The following REL variants were observed in gnomAD, a reference collection of about 807,000 sequenced individuals.
The protein encoded by REL is proto-oncogene c-Rel.
A neutral mutation model predicts 45.9 loss-of-function variants in REL; 15 were observed. The ratio of observed to expected loss-of-function variants is 0.33; its 90% confidence interval spans 0.22 to 0.50. The LOEUF (loss-of-function observed/expected upper bound fraction) is 0.50, where lower values mean the gene tolerates loss of function less well. Ranked by LOEUF, REL falls within the 20% of genes least tolerant of loss-of-function variation. REL has a pLI of 0.98. For synonymous variants in REL, 239 were observed against 242.1 expected (o/e 0.99, Z 0.12); for missense variants, 601 against 715.2 (o/e 0.84, Z 1.82).
At chr2:60,911,519 C>G (rs1673813263) in intron 4 of REL, 1 of 152,106 alleles carries the variant, frequency 6.6e-6, no homozygotes, top group Non-Finnish European at 1.5e-5. Context: ...TTCCATATCT[C>G]AGCAGCAAAT....
rs769208969 is a variant in REL at position 60,918,172 on chromosome 2, G to A, written c.536-19G>A. The A allele has an allele frequency of 1.4e-6, 2 of 1,472,692 alleles. No individual in the cohort carries two copies. The highest frequency in any genetic ancestry group is 1.2e-5 in the South Asian group (1 of 81,044). 91.2% of individuals were successfully genotyped at this position (1,472,692 alleles called of 1,614,324 possible). On this transcript the variant is annotated intron_variant, in intron 5 of 9. Transcript: ENST00000394479. Reference sequence around the variant, plus strand: ...TACTAAGGTAGCAACTCATTTTTTTGAAAATCCTTTATATTTAGGTGCTCC... The same window carrying A: ...TACTAAGGTAGCAACTCATTTTTTTAAAAATCCTTTATATTTAGGTGCTCC...
Position 60,918,274 on chromosome 2 carries a change from C to T in REL, c.619C>T (p.Leu207Phe), listed in dbSNP as rs767390702. 6.2e-7 allele frequency: 1 copy of T among 1,602,154 alleles called. No homozygotes were observed. Among genetic ancestry groups the T allele is most frequent in the Admixed American group, 1.7e-5 (1 of 59,210 alleles). ...SVRGGDEIFL[L>F]CDKVQKDDIE... is the part of the protein sequence containing the mutation. ...CAGAGGAGGAGATGAAATATTTCTA[C>T]TTTGTGACAAAGTTCAGAAAGGTAT... The change falls in exon 6 of 10, where the codon CTT (leucine) becomes TTT (phenylalanine). Residue 207 changes from leucine to phenylalanine, a missense_variant. Around this residue, in one of 4 missense-constraint regions of REL, gnomAD observed 241 missense variants for 347.0 expected, o/e 0.69. Coordinates refer to ENST00000394479, the MANE Select transcript of REL (RefSeq NM_001291746.2).
At position 60,912,355 on chromosome 2, in the gene REL, T is replaced by TCTTTA. The variant is rs146368138; in HGVS notation, c.395-4519_395-4518insTACTT. On this transcript the variant is annotated intron_variant, in intron 4 of 9. Transcript: ENST00000394479. ...ATATTTAATATTGCAAGCGTTTTGG[T>TCTTTA]CTTATAAATTTAGTGATGTTTTTGT... Among the ~76,000 whole-genome samples, 500 of 152,294 alleles carry TCTTTA rather than the reference T, an allele frequency of 3.3e-3. 6 individuals are homozygous for TCTTTA. The highest frequency in any genetic ancestry group is 0.012 in the African/African-American group (479 of 41,566).
In REL at chr2:60,925,964, G is replaced by C. The variant is rs1674258552; in HGVS notation, c.*3429G>C. 1 of 226,002 alleles carries C rather than the reference G, an allele frequency of 4.4e-6. No individual in the cohort carries two copies. The highest frequency in any genetic ancestry group is 5.7e-5 in the Admixed American group (1 of 17,548). The allele number at this position is 226,002 out of a possible 1,614,324, so 14.0% of individuals were successfully genotyped here. ...CTCTGTGTGTAGAATATTCCCAATG[G>C]ATTTTTCATTTTTCAGGTGCTATTT... On this transcript the variant is annotated 3_prime_UTR_variant, in exon 10 of 10. Transcript: ENST00000394479.
In REL at chr2:60,916,849, A is replaced by C. The variant is rs181727249; in HGVS notation, c.395-28A>C. The C allele has an allele frequency of 1.0e-3, 1,613 of 1,580,086 alleles. 25 individuals are homozygous for C. The highest frequency in any genetic ancestry group is 6.8e-5 in the Non-Finnish European group (78 of 1,155,200). ...GTCTTTAGGTCTATGTGACTATTAC[A>C]TTTAAAAAATTTTTTTTTTCTATTC... On this transcript the variant is annotated intron_variant, in intron 4 of 9. Coordinates refer to ENST00000394479, the MANE Select transcript of REL (RefSeq NM_001291746.2).
chr2:60,881,989 C>G (rs1442215851), intron 1 of REL, 139 bp downstream of exon 1: 1 of 580,022 alleles, frequency 1.7e-6, no homozygotes, highest in African/African-American at 2.0e-5. Flanking sequence ...AAATTGTCAG[C>G]TTTTAAAAAA....
In REL at chr2:60,926,074, C is replaced by CT. The variant is rs1012836396; in HGVS notation, c.*3543dup. On this transcript the variant is annotated 3_prime_UTR_variant, in exon 10 of 10. Coordinates refer to ENST00000394479, the MANE Select transcript of REL (RefSeq NM_001291746.2). Reference sequence around the variant, plus strand: ...ACATATATTCATGCTTTCACCTGCTCTTTTAACACCTGCTTTTAGTATCTG... The same window carrying CT: ...ACATATATTCATGCTTTCACCTGCTCTTTTTAACACCTGCTTTTAGTATCTG... The CT allele has an allele frequency of 4.3e-5, 10 of 230,750 alleles. No homozygotes were observed. Among genetic ancestry groups the CT allele is most frequent in the Non-Finnish European group, 7.7e-5 (9 of 116,226 alleles). The allele number at this position is 230,750 out of a possible 1,614,324, so 14.3% of individuals were successfully genotyped here.
chr2:60,913,272 T>TA (rs992777891), intron 4 of REL, among the ~76,000 whole-genome samples: 5 of 151,868 alleles, frequency 3.3e-5, no homozygotes, highest in South Asian at 2.1e-4. Context: ...TGCTTTCTTT[T>TA]AAAAAAAAAT....
chr2:60,906,753 C>T (rs564125212), intron 4 of REL, among the ~76,000 whole-genome samples: 45 of 151,820 alleles, frequency 3.0e-4, no homozygotes, highest in African/African-American at 1.0e-3. Context: ...TCTTACTCAC[C>T]CTCCAAGTTT....
chr2:60,892,229 C>G (rs1478326638), intron 2 of REL, among the ~76,000 whole-genome samples: 2 of 152,150 alleles, frequency 1.3e-5, no homozygotes, highest in Non-Finnish European at 2.9e-5. Flanking sequence ...CATAATTCTT[C>G]TTGGCTAGTC....
intron 1 of REL, among the ~76,000 whole-genome samples, chr2:60,890,866 C>A (rs1017795616): frequency 1.3e-5 from 2 of 152,100 alleles, no homozygotes; most frequent in African/African-American, 4.8e-5. Flanking sequence ...TTTACATATC[C>A]TAGGGTTTCA....
rs34652086 is a variant in REL, at chr2:60,924,393, A to G, written c.*1858A>G. 8.8e-3 allele frequency: 1,897 copies of G among 215,520 alleles called. 31 individuals are homozygous for G. The highest frequency in any genetic ancestry group is 0.04 in the African/African-American group (1,788 of 44,534). 13.4% of individuals were successfully genotyped at this position (215,520 alleles called of 1,614,324 possible). A position where few individuals can be genotyped will look rare whatever the true frequency, so the allele number is the denominator to read the frequency against. ...ACTCAGTAAATGTTTATTGAACATT[A>G]AAAGTATTACTAATAGAACTTTGGT... On this transcript the variant is annotated 3_prime_UTR_variant, in exon 10 of 10. Coordinates refer to ENST00000394479, the MANE Select transcript of REL (RefSeq NM_001291746.2).
At chr2:60,893,070 A>C (rs1381094513) in intron 2 of REL, among the ~76,000 whole-genome samples, 1 of 152,028 alleles carries the variant, frequency 6.6e-6, no homozygotes, top group African/African-American at 2.4e-5. Context: ...CTAAATTTCT[A>C]TTTTCTATTT....
At chr2:60,883,993 C>G (rs1161465260) in intron 1 of REL, among the ~76,000 whole-genome samples, 1 of 147,578 alleles carries the variant, frequency 6.8e-6, no homozygotes, top group Non-Finnish European at 1.5e-5. Flanking sequence ...AATCTGTGTA[C>G]TTTTCCTTAA....
chr2:60,893,733 T>C (rs1354019176), intron 2 of REL, among the ~76,000 whole-genome samples: 3 of 152,220 alleles, frequency 2.0e-5, no homozygotes, highest in African/African-American at 7.2e-5. Context: ...TCCTTTGTGG[T>C]ATGCTGGTTT....
intron 1 of REL, among the ~76,000 whole-genome samples, chr2:60,889,783 C>A (rs962990016): frequency 3.3e-5 from 5 of 152,196 alleles, no homozygotes; most frequent in Admixed American, 2.0e-4. Context: ...TGAGCTTATC[C>A]TTTTTTATGG....
chr2:60,922,253 A>G lies in REL; in HGVS notation c.1482A>G (p.Ser494=), dbSNP rs1193582576. ...ATCTTGAAAACCCCTCATGTAATTC[A>G]GTGTTAGACCCAAGAGACTTGAGAC... ...SMNLENPSCN[S]VLDPRDLRQL... Residue 494 remains serine (S), a synonymous_variant, in exon 10 of 10, where the codon TCA becomes TCG. Coordinates refer to ENST00000394479, the MANE Select transcript of REL (RefSeq NM_001291746.2). The G allele has an allele frequency of 1.9e-6, 3 of 1,614,210 alleles. No individual in the cohort carries two copies. The highest frequency in any genetic ancestry group is 2.2e-5 in the East Asian group (1 of 44,880).
intron 1 of REL, 42 bp downstream of exon 1, chr2:60,881,892 G>A (rs1443309591): frequency 7.1e-7 from 1 of 1,405,490 alleles, no homozygotes; most frequent in Non-Finnish European, 9.4e-7. Context: ...GGGGAAAGGA[G>A]CTCTTCTGAA....
intron 4 of REL, among the ~76,000 whole-genome samples, chr2:60,908,891 A>G (rs1192652816): frequency 6.6e-6 from 1 of 152,222 alleles, no homozygotes; most frequent in African/African-American, 2.4e-5. Flanking sequence ...ATACAGTTTA[A>G]TAAGTAGTCT....
Sources: allele counts gnomAD v4.1 joint callset (sites outside exome capture counted in the v4.1 genomes callset), GRCh38; gene constraint gnomAD v4.1.1; regional missense constraint gnomAD v4.1.1; transcripts MANE v1.5; gene names NCBI Gene and HGNC (gene_info 2026-07-23, HGNC 2026-07-21).